KIF5C: variants seen among roughly 807,000 people sequenced by gnomAD.
KIF5C encodes kinesin heavy chain isoform 5C.
Under a neutral mutation model 125.2 loss-of-function variants are expected in KIF5C, and 18 were observed. The observed-to-expected ratio is 0.14, with a 90% CI of 0.10 to 0.21. The LOEUF (loss-of-function observed/expected upper bound fraction) is 0.21. Among genes scored for constraint, KIF5C ranks in the 10% least tolerant of loss-of-function variants. KIF5C has a pLI of 1.00. For synonymous variants in KIF5C, 405 were observed against 434.0 expected, an observed-to-expected ratio of 0.93 and a Z score of 0.83; for missense variants, 780 against 1,183.8, an observed-to-expected ratio of 0.66 and a Z score of 5.01.
intron 2 of KIF5C, among the ~76,000 whole-genome samples, chr2:148,927,514 AG>A (rs943487925): frequency 1.8e-4 from 27 of 147,282 alleles, no homozygotes; most frequent in African/African-American, 6.6e-4. Context: ...GTGTGTGTAT[AG>A]GGGGGATGGT....
At chr2:148,988,733 T>A (rs1234839216) in intron 15 of KIF5C, among the ~76,000 whole-genome samples, 1 of 152,222 alleles carries the variant, frequency 6.6e-6, no homozygotes, top group East Asian at 1.9e-4. Flanking sequence ...AAAGATTGCA[T>A]GCTTTTCTCA....
intron 1 of KIF5C, among the ~76,000 whole-genome samples, chr2:148,901,307 G>T (rs1680894939): frequency 6.6e-6 from 1 of 152,182 alleles, no homozygotes; most frequent in African/African-American, 2.4e-5. Flanking sequence ...GCACAAAGAG[G>T]AACAATTAGG....
chr2:149,000,796 T>C lies in KIF5C; in HGVS notation c.2373+14T>C. On this transcript the variant is annotated intron_variant, in intron 21 of 25. Transcript: ENST00000435030. ...GAGGAGACAGTGGTATGTCAAGATA[T>C]TTCCCGATTTATGTTTGTCTCCAAG... 6.2e-7 allele frequency: 1 copy of C among 1,611,948 alleles called. No individual in the cohort carries two copies. Among genetic ancestry groups the C allele is most frequent in the Non-Finnish European group, 8.5e-7 (1 of 1,179,314 alleles).
intron 7 of KIF5C, among the ~76,000 whole-genome samples, chr2:148,944,087 T>C (rs1682469272): frequency 6.6e-6 from 1 of 152,226 alleles, no homozygotes; most frequent in Non-Finnish European, 1.5e-5. Flanking sequence ...TTTTGATGCC[T>C]TGGTTTGGAA....
chr2:149,000,734 T>G lies in KIF5C; in HGVS notation c.2325T>G (p.Asp775Glu). ...MKLEKLLLLN[D>E]KREQAREDLK... ...TTTTGTTTTTCAGATTGCTCAACGATAAAAGGGAACAAGCCAGAGAAGACC... is the reference window on the plus strand; with the variant it reads ...TTTTGTTTTTCAGATTGCTCAACGAGAAAAGGGAACAAGCCAGAGAAGACC... Residue 775 changes from aspartate (D) to glutamate (E), a missense_variant, in exon 21 of 26, where the codon GAT (aspartate) becomes GAG (glutamate). Around this residue, in one of 2 missense-constraint regions of KIF5C, gnomAD observed 573 missense variants for 742.6 expected, o/e 0.77. Coordinates refer to ENST00000435030, the MANE Select transcript of KIF5C (RefSeq NM_004522.3). 6.2e-7 allele frequency: 1 copy of G among 1,613,842 alleles called. No individual in the cohort carries two copies. The highest frequency in any genetic ancestry group is 8.5e-7 in the Non-Finnish European group (1 of 1,179,850).
At chr2:148,893,069 G>T (rs1056005206) in intron 1 of KIF5C, among the ~76,000 whole-genome samples, 3 of 152,120 alleles carry the variant, frequency 2.0e-5, no homozygotes, top group Non-Finnish European at 2.9e-5. Flanking sequence ...TTAGAACAAG[G>T]TTTGCTTTAC....
At chr2:148,904,309 C>T (rs956131522) in intron 1 of KIF5C, among the ~76,000 whole-genome samples, 1 of 152,210 alleles carries the variant, frequency 6.6e-6, no homozygotes, top group Non-Finnish European at 1.5e-5. Flanking sequence ...TGGCATCAGA[C>T]GATCTGCAAA....
intron 13 of KIF5C, among the ~76,000 whole-genome samples, chr2:148,980,208 T>A (rs1681193331): frequency 6.6e-6 from 1 of 152,212 alleles, no homozygotes; most frequent in South Asian, 2.1e-4. Context: ...ACTTTTGTAA[T>A]CAGGTGAACC....
At chr2:149,022,630 A>G (rs193101116) in intron 25 of KIF5C, among the ~76,000 whole-genome samples, 98 of 152,312 alleles carry the variant, frequency 6.4e-4, no homozygotes, top group African/African-American at 2.3e-3. Context: ...TTTAAAATTA[A>G]ATATGTGGCT....
chr2:149,007,840 C>G, intron 22 of KIF5C, 123 bp from the exon 23 acceptor site: 1 of 1,148,304 alleles, frequency 8.7e-7, no homozygotes, highest in Non-Finnish European at 1.1e-6. Flanking sequence ...TTTAGAACCT[C>G]TATTTTCACT....
At chr2:148,950,250 G>T in intron 9 of KIF5C, 64 bp from the exon 10 acceptor site, 3 of 1,575,122 alleles carry the variant, frequency 1.9e-6, no homozygotes, top group Non-Finnish European at 2.6e-6. Context: ...TCCCTGACTT[G>T]CTTGCCTCTG....
At chr2:148,975,578 C>T (rs957062220) in intron 12 of KIF5C, among the ~76,000 whole-genome samples, 1 of 152,192 alleles carries the variant, frequency 6.6e-6, no homozygotes, top group African/African-American at 2.4e-5. Flanking sequence ...CCTGGTCAAC[C>T]TCAGTGAATC....
At chr2:149,013,599 C>A (rs1682275854) in intron 25 of KIF5C, among the ~76,000 whole-genome samples, 1 of 152,182 alleles carries the variant, frequency 6.6e-6, no homozygotes, top group African/African-American at 2.4e-5. Flanking sequence ...TAATATGCTG[C>A]AGCACTGGGC....
chr2:148,985,840 A>G (rs1175834047), intron 15 of KIF5C, among the ~76,000 whole-genome samples: 2 of 152,222 alleles, frequency 1.3e-5, no homozygotes, highest in African/African-American at 4.8e-5. Flanking sequence ...CTTAGAGTAC[A>G]TGACCGCTCG....
chr2:149,009,184 G>T (rs990409141), intron 23 of KIF5C, among the ~76,000 whole-genome samples: 2 of 151,694 alleles, frequency 1.3e-5, no homozygotes, highest in Admixed American at 1.3e-4. Context: ...TAGAGACAAG[G>T]TTTCACCATG....
In KIF5C at chr2:149,007,967, T is replaced by C. The variant is rs1306297149; in HGVS notation, c.2450T>C (p.Val817Ala). The C allele has an allele frequency of 6.2e-7, 1 of 1,606,948 alleles. No homozygotes were observed. The change falls in exon 23 of 26, where the codon GTG (valine) becomes GCG (alanine). Residue 817 changes from valine to alanine, a missense_variant. Physicochemically the swap from Val to Ala is moderately conservative, Grantham distance 64. Transcript: ENST00000435030. ...QDLTTRVKKSVELDNDDGGGS... is the reference protein window; with the variant it reads ...QDLTTRVKKSAELDNDDGGGS... ...GACCCCTTGGTGTCAATGCAGAGTG[T>C]GGAGTTGGACAACGATGATGGAGGG...
At chr2:148,976,051 C>G (rs1388139971) in intron 12 of KIF5C, among the ~76,000 whole-genome samples, 1 of 152,138 alleles carries the variant, frequency 6.6e-6, no homozygotes, top group Non-Finnish European at 1.5e-5. Flanking sequence ...GTCTCTTAGT[C>G]TCTGTCCCTC....
At chr2:148,949,789 T>G in intron 8 of KIF5C, 50 bp from the exon 9 acceptor site, 1 of 1,580,636 alleles carries the variant, frequency 6.3e-7, no homozygotes, top group Non-Finnish European at 8.6e-7. Flanking sequence ...ATTTCTACTT[T>G]GTGCTTCTGC....
At chr2:149,003,224 G>A (rs985134710) in intron 21 of KIF5C, among the ~76,000 whole-genome samples, 10 of 152,258 alleles carry the variant, frequency 6.6e-5, no homozygotes, top group Non-Finnish European at 1.3e-4. Flanking sequence ...TAGACGCACT[G>A]TCCTTGGCTG....
Sources: gnomAD v4.1 joint callset for allele counts (sites outside exome capture counted in the v4.1 genomes callset) on GRCh38, gnomAD v4.1.1 for gene constraint, gnomAD v4.1.1 regional missense constraint, MANE v1.5 for transcripts, NCBI Gene and HGNC (gene_info 2026-07-23, HGNC 2026-07-21) for gene names.